The following GGCX variants were observed in gnomAD, a reference collection of about 807,000 sequenced individuals.
The protein encoded by GGCX is vitamin K-dependent gamma-carboxylase.
Under a neutral mutation model 88.5 loss-of-function variants are expected in GGCX, and 63 were observed. That is an observed-to-expected ratio of 0.71 (90% CI 0.58 to 0.88). GGCX has a LOEUF of 0.88. Ranked by LOEUF, GGCX falls within the 40% of genes least tolerant of loss-of-function variation. The probability of loss-of-function intolerance (pLI) is 0.00; values close to 1 mark genes in which losing one functional copy is unlikely to be tolerated. For missense variants in GGCX, 805 were observed against 932.9 expected (o/e 0.86, Z 1.79); for synonymous variants, 368 against 365.8 (o/e 1.01, Z -0.07).
intron 10 of GGCX, among the ~76,000 whole-genome samples, 177 bp from the exon 11 acceptor site, chr2:85,552,158 G>T (rs1324872272): frequency 1.3e-5 from 2 of 152,198 alleles, no homozygotes; most frequent in Non-Finnish European, 2.9e-5. Flanking sequence ...CTGGAGCACT[G>T]GGTATAATGG....
At position 85,553,414 on chromosome 2, in the gene GGCX, G is replaced by A. The variant is rs1271782787; in HGVS notation, c.973C>T (p.Arg325Ter). 16 of 1,614,002 alleles carry A rather than the reference G, an allele frequency of 9.9e-6. No individual in the cohort carries two copies. The highest frequency in any genetic ancestry group is 2.2e-5 in the South Asian group (2 of 91,084). The change falls in exon 8 of 15, where the codon CGA becomes TGA. Residue 325 changes from arginine (R) to a stop codon, truncating the protein, a stop_gained. Coordinates refer to ENST00000233838, the MANE Select transcript of GGCX (RefSeq NM_000821.7). LOFTEE classifies it high-confidence loss of function. ...WPRKLVSYCP[R>*]RLQQLLPLKA... ...AGGGGCAACAGTTGTTGCAACCTTCGGGGGCAGTAGGACACCAGCTTCCGA... is the reference window on the plus strand; with the variant it reads ...AGGGGCAACAGTTGTTGCAACCTTCAGGGGCAGTAGGACACCAGCTTCCGA...
rs1406470499 is a variant in GGCX at position 85,554,237 on chromosome 2, T to C, written c.795A>G (p.Ser265=). The change falls in exon 7 of 15, where the codon TCA becomes TCG. Residue 265 remains serine (S), a synonymous_variant. Coordinates refer to ENST00000233838, the MANE Select transcript of GGCX (RefSeq NM_000821.7). The part of the protein sequence containing the change: ...VHWGGLLLDL[S]AGFLLFFDVS... The stretch of plus-strand genomic sequence containing the variant: ...CATCAAAAAAGAGCAGGAAACCAGC[T>C]GAGAGGTCAAGCAGCAGCCCACCCC... The C allele has an allele frequency of 2.5e-6, 4 of 1,613,556 alleles. No homozygotes were observed. The highest frequency in any genetic ancestry group is 3.4e-6 in the Non-Finnish European group (4 of 1,179,512).
intron 4 of GGCX, 130 bp downstream of exon 4, chr2:85,558,310 T>C (rs1328238645): frequency 1.2e-6 from 1 of 821,904 alleles, no homozygotes; most frequent in African/African-American, 1.7e-5. Context: ...CAAATCCACC[T>C]AGATCAAAGT....
At chr2:85,554,478 G>GTTGTTGTTGTTGTTA (rs1309060581) in intron 6 of GGCX, 172 bp from the exon 7 acceptor site, 2 of 672,138 alleles carry the variant, frequency 3.0e-6, no homozygotes, top group Non-Finnish European at 5.4e-6. Context: ...TGTTGTTGTT[G>GTTGTTGTTGTTGTTA]TTGTTGAAAC....
In GGCX at chr2:85,555,547, G is replaced by A; in HGVS notation, c.662C>T (p.Ala221Val). Residue 221 changes from alanine (A) to valine (V), a missense_variant, in exon 6 of 15, where the codon GCA (alanine) becomes GTA (valine). Ala to Val is a moderately conservative substitution (Grantham distance 64, BLOSUM62 0). Transcript: ENST00000233838. ...YFIAGVKKLD[A>V]DWVEGYSMEY... ...CATGGAATAGCCTTCAACCCAGTCT[G>A]CATCCAGCTTTTTCACACCCGCAAT... 2 of 1,607,368 alleles carry A rather than the reference G, an allele frequency of 1.2e-6. No homozygotes were observed. The highest frequency in any genetic ancestry group is 1.7e-6 in the Non-Finnish European group (2 of 1,173,908).
chr2:85,551,849 G>GGA lies in GGCX; in HGVS notation c.1571_1572insTC (p.Asn525ProfsTer21). On this transcript the variant is annotated frameshift_variant, in exon 11 of 15. Coordinates refer to ENST00000233838, the MANE Select transcript of GGCX (RefSeq NM_000821.7). LOFTEE classifies it high-confidence loss of function. ...CAATGAAGACCACCTCAGTGTGGTT[G>GGA]TCTAGGCTGCTCTTGATTTCCTGTA... 1 of 1,613,956 alleles carries GGA rather than the reference G, an allele frequency of 6.2e-7. No individual in the cohort carries two copies. The highest frequency in any genetic ancestry group is 8.5e-7 in the Non-Finnish European group (1 of 1,179,782).
rs746683205 is a variant in GGCX, at chr2:85,560,887, A to C, written c.142T>G (p.Trp48Gly). The part of the protein sequence containing the change: ...LGFEWTDLSS[W>G]RRLVTLLNRP... ...TTCAGCAGGGTCACCAGCCTCCGCC[A>C]ACTGGACAAATCTGTCCACTCAAAA... Residue 48 changes from tryptophan to glycine, a missense_variant, in exon 2 of 15, where the codon TGG becomes GGG. Physicochemically the swap from Trp to Gly is radical, Grantham distance 184. Transcript: ENST00000233838. 1 of 1,613,800 alleles carries C rather than the reference A, an allele frequency of 6.2e-7. No individual in the cohort carries two copies. Among genetic ancestry groups the C allele is most frequent in the East Asian group, 2.2e-5 (1 of 44,880 alleles).
Position 85,558,609 on chromosome 2 carries a change from G to T in GGCX, c.374-4C>A. 1.2e-6 allele frequency: 2 copies of T among 1,610,698 alleles called. No individual in the cohort carries two copies. Among genetic ancestry groups the T allele is most frequent in the Non-Finnish European group, 1.7e-6 (2 of 1,176,920 alleles). On this transcript the variant is annotated splice_polypyrimidine_tract_variant and splice_region_variant and intron_variant, in intron 3 of 14. Transcript: ENST00000233838. ...CCCAGCATCATGCCCAGTGCCCCTGGGATTTGTAGGGAGAGGATTAAGAGG... is the reference window on the plus strand; with the variant it reads ...CCCAGCATCATGCCCAGTGCCCCTGTGATTTGTAGGGAGAGGATTAAGAGG...
At chr2:85,561,309 G>T (rs1692449559) in intron 1 of GGCX, 77 bp downstream of exon 1, 2 of 898,414 alleles carry the variant, frequency 2.2e-6, no homozygotes, top group Non-Finnish European at 1.7e-6. Flanking sequence ...GGAGACACTG[G>T]GCGTCCTCCC....
chr2:85,558,423 T>TC lies in GGCX; in HGVS notation c.539+16dup, dbSNP rs777484455. On this transcript the variant is annotated intron_variant, in intron 4 of 14. Coordinates refer to ENST00000233838, the MANE Select transcript of GGCX (RefSeq NM_000821.7). Reference sequence around the variant, plus strand: ...TGACCCAGCCAACCCCTCCCCTTTGTCCCCCCTGACTCATACCAGTAGTGG... The same window carrying TC: ...TGACCCAGCCAACCCCTCCCCTTTGTCCCCCCCTGACTCATACCAGTAGTGG... The TC allele has an allele frequency of 2.5e-6, 4 of 1,610,004 alleles. No individual in the cohort carries two copies. The highest frequency in any genetic ancestry group is 2.2e-5 in the East Asian group (1 of 44,856).
intron 5 of GGCX, 37 bp from the exon 6 acceptor site, chr2:85,555,627 G>C: frequency 8.9e-7 from 1 of 1,125,176 alleles, no homozygotes; most frequent in South Asian, 1.2e-5. Flanking sequence ...CAAGCAAAAA[G>C]AATCTTTTCT....
chr2:85,553,529 G>A, intron 7 of GGCX, 32 bp from the exon 8 acceptor site: 1 of 1,611,532 alleles, frequency 6.2e-7, no homozygotes, highest in Non-Finnish European at 8.5e-7. Flanking sequence ...ACATATTTCA[G>A]GAGTTTGGCT....
chr2:85,560,023 C>T (rs939378867), intron 2 of GGCX, among the ~76,000 whole-genome samples: 11 of 152,188 alleles, frequency 7.2e-5, no homozygotes, highest in Non-Finnish European at 1.2e-4. Context: ...GTTGTGACAA[C>T]TAAAAATGTC....
rs1383098251 is a variant in GGCX at position 85,548,545 on chromosome 2, C to G, written c.*1389G>C. ...AAAAAGCAGTTGCTTAGGAAAGAAC[C>G]CCCGGAACACTGTCCAAGGAGGAGT... On this transcript the variant is annotated 3_prime_UTR_variant, in exon 15 of 15. Transcript: ENST00000233838. 6.6e-6 allele frequency: 1 copy of G among 152,126 alleles called. No homozygotes were observed. Among genetic ancestry groups the G allele is most frequent in the East Asian group, 1.9e-4 (1 of 5,202 alleles). The allele number at this position is 152,126 out of a possible 1,614,324, so 9.4% of individuals were successfully genotyped here.
intron 7 of GGCX, 146 bp downstream of exon 7, chr2:85,553,997 C>G: frequency 1.4e-6 from 1 of 735,276 alleles, no homozygotes; most frequent in Admixed American, 2.0e-5. Context: ...CCTCTTATCC[C>G]CATTTATGCC....
chr2:85,558,514 T>C lies in GGCX; in HGVS notation c.465A>G (p.Thr155=). The C allele has an allele frequency of 6.2e-7, 1 of 1,613,680 alleles. No individual in the cohort carries two copies. Residue 155 remains threonine (T), a synonymous_variant, in exon 4 of 15, where the codon ACA becomes ACG. Coordinates refer to ENST00000233838, the MANE Select transcript of GGCX (RefSeq NM_000821.7). ...ACAGATAGGAGTGGTTGTTCCATGA[T>C]GTCTTGTCCAGGAGAAACACATACC... ...PYWYVFLLDK[T]SWNNHSYLYG... is the part of the protein sequence containing the mutation.
In GGCX at chr2:85,550,977, C is replaced by T; in HGVS notation, c.1836G>A (p.Glu612=). The T allele has an allele frequency of 6.2e-7, 1 of 1,614,080 alleles. No individual in the cohort carries two copies. ...VYVNTTELAL[E]QDLAYLQELK... ...ATTCTTGCAGATATGCCAGGTCTTG[C>T]TCCAGTGCAAGCTCTGTAGTGTTGA... is the stretch of plus-strand genomic sequence containing the variant. The change falls in exon 13 of 15, where the codon GAG becomes GAA. Residue 612 remains glutamate (E), a synonymous_variant. Transcript: ENST00000233838.
chr2:85,553,609 C>CTT (rs201724124), intron 7 of GGCX, 112 bp from the exon 8 acceptor site: 29 of 941,358 alleles, frequency 3.1e-5, no homozygotes, highest in Middle Eastern at 3.5e-4. Context: ...AGTAGTTCTT[C>CTT]TTTTTTTTTT....
Position 85,557,202 on chromosome 2 carries a change from G to A in GGCX, c.540-942C>T, listed in dbSNP as rs528690085. 3.9e-5 allele frequency among the ~76,000 whole-genome samples: 6 copies of A among 152,266 alleles called. No homozygotes were observed. In the South Asian group the frequency reaches 1.2e-3, roughly 32 times the overall value. On this transcript the variant is annotated intron_variant, in intron 4 of 14. Coordinates refer to ENST00000233838, the MANE Select transcript of GGCX (RefSeq NM_000821.7). ...AATGAGGAAAAACTCTAAATATTTA[G>A]TATAGTGCCTGCGATGTGGAAAACC...
Sources: allele counts gnomAD v4.1 joint callset (sites outside exome capture counted in the v4.1 genomes callset), GRCh38; gene constraint gnomAD v4.1.1; transcripts MANE v1.5; gene names NCBI Gene and HGNC (gene_info 2026-07-23, HGNC 2026-07-21).